GSK3B: variants seen among roughly 807,000 people sequenced by gnomAD.
GSK3B encodes glycogen synthase kinase 3 beta.
GSK3B carries 15 observed loss-of-function variants against 56.4 expected under a neutral mutation model. The ratio of observed to expected loss-of-function variants is 0.27; its 90% CI spans 0.18 to 0.41. The LOEUF is 0.41. Ranked by LOEUF, GSK3B falls within the 10% of genes least tolerant of loss-of-function variation. The pLI, the probability that GSK3B is intolerant of heterozygous loss-of-function variation, is 1.00. For missense variants in GSK3B, 300 were observed against 513.4 expected (o/e 0.58, Z 4.02); for synonymous variants, 181 against 188.9 (o/e 0.96, Z 0.34).
chr3:119,989,225 G>T (rs551350094), intron 2 of GSK3B, among the ~76,000 whole-genome samples: 1 of 152,036 alleles, frequency 6.6e-6, no homozygotes, highest in East Asian at 1.9e-4. Flanking sequence ...CGGAACCCAG[G>T]GTAATTAAAA....
At chr3:119,843,383 G>GTC in intron 9 of GSK3B, 30 bp from the exon 10 acceptor site, 1 of 1,230,882 alleles carries the variant, frequency 8.1e-7, no homozygotes, top group Non-Finnish European at 1.2e-6. Context: ...AAATGTTAGA[G>GTC]TCCACTCTTA....
At chr3:120,025,662 A>C (rs2057916446) in intron 1 of GSK3B, among the ~76,000 whole-genome samples, 1 of 152,222 alleles carries the variant, frequency 6.6e-6, no homozygotes, top group African/African-American at 2.4e-5. Flanking sequence ...GAACTGACTC[A>C]GGATGATCAA....
chr3:120,012,268 G>A (rs753222106), intron 1 of GSK3B, among the ~76,000 whole-genome samples: 1 of 152,172 alleles, frequency 6.6e-6, no homozygotes, highest in Non-Finnish European at 1.5e-5. Flanking sequence ...CCATAGCACT[G>A]CTTCCAAGAG....
chr3:120,067,391 T>A (rs945424150), intron 1 of GSK3B, among the ~76,000 whole-genome samples: 2 of 152,180 alleles, frequency 1.3e-5, no homozygotes, highest in African/African-American at 4.8e-5. Context: ...TTAATACACC[T>A]AACCTACCAA....
chr3:119,879,986 G>C (rs190124354), intron 7 of GSK3B, among the ~76,000 whole-genome samples: 13 of 152,252 alleles, frequency 8.5e-5, no homozygotes, highest in African/African-American at 3.1e-4. Context: ...TATATACCTA[G>C]CAGTGTGATT....
At chr3:119,904,520 T>C (rs1321170636) in intron 7 of GSK3B, among the ~76,000 whole-genome samples, 5 of 152,198 alleles carry the variant, frequency 3.3e-5, no homozygotes, top group Admixed American at 3.3e-4. Flanking sequence ...TTTTCAACCA[T>C]ACTTGCACAC....
intron 1 of GSK3B, among the ~76,000 whole-genome samples, chr3:120,031,455 G>C (rs1463766681): frequency 1.3e-5 from 2 of 152,186 alleles, no homozygotes; most frequent in Non-Finnish European, 2.9e-5. Flanking sequence ...AGGCGACTGA[G>C]GATAAGAAAT....
At chr3:120,023,211 A>C (rs1189943723) in intron 1 of GSK3B, among the ~76,000 whole-genome samples, 1 of 145,432 alleles carries the variant, frequency 6.9e-6, no homozygotes, top group African/African-American at 2.5e-5. Context: ...TACTCATTTA[A>C]AAAAAAAAAA....
intron 3 of GSK3B, 47 bp from the exon 4 acceptor site, chr3:119,923,530 C>G (rs200654029): frequency 4.2e-5 from 37 of 872,592 alleles, no homozygotes; most frequent in Middle Eastern, 5.9e-4. Flanking sequence ...AGATTAGAAA[C>G]TGGTCTTTAA....
chr3:119,974,487 C>A (rs537657780), intron 2 of GSK3B, among the ~76,000 whole-genome samples: 1 of 152,122 alleles, frequency 6.6e-6, no homozygotes, highest in Admixed American at 6.6e-5. Context: ...GATGCCCCCA[C>A]GGAAGGACAC....
intron 2 of GSK3B, among the ~76,000 whole-genome samples, chr3:119,982,837 AATT>A (rs1414982817): frequency 6.6e-6 from 1 of 152,208 alleles, no homozygotes; most frequent in Non-Finnish European, 1.5e-5. Context: ...CCAACATCCA[AATT>A]CAGGAAATAG....
intron 3 of GSK3B, among the ~76,000 whole-genome samples, chr3:119,929,165 CAGAAACAA>C (rs2056919128): frequency 6.6e-6 from 1 of 152,038 alleles, no homozygotes; most frequent in Non-Finnish European, 1.5e-5. Context: ...GATCAATATT[CAGAAACAA>C]TCAGTTCCCA....
chr3:119,878,000 G>A (rs984977639), intron 7 of GSK3B, among the ~76,000 whole-genome samples: 24 of 152,168 alleles, frequency 1.6e-4, no homozygotes, highest in Admixed American at 1.4e-3. Flanking sequence ...GTAATGGTAA[G>A]TACTAGATTT....
At chr3:119,986,444 G>C (rs2057516500) in intron 2 of GSK3B, among the ~76,000 whole-genome samples, 1 of 151,772 alleles carries the variant, frequency 6.6e-6, no homozygotes, top group African/African-American at 2.4e-5. Context: ...ATCTGACAAA[G>C]GGCTAATATC....
At chr3:119,919,015 C>T (rs2056809897) in intron 4 of GSK3B, among the ~76,000 whole-genome samples, 1 of 151,874 alleles carries the variant, frequency 6.6e-6, no homozygotes, top group Non-Finnish European at 1.5e-5. Flanking sequence ...GTGATCAGAC[C>T]CTGTCCTTAA....
chr3:119,922,228 G>GGAAGGAAGGAA (rs2056849305), intron 4 of GSK3B, among the ~76,000 whole-genome samples: 1 of 61,464 alleles, frequency 1.6e-5, no homozygotes, highest in Non-Finnish European at 2.7e-5. Context: ...GAAGGAAGGA[G>GGAAGGAAGGAA]GGAAGGAAGG....
chr3:120,059,624 G>C (rs2058220332), intron 1 of GSK3B, among the ~76,000 whole-genome samples: 1 of 152,176 alleles, frequency 6.6e-6, no homozygotes, highest in African/African-American at 2.4e-5. Context: ...GAAAGCAAGA[G>C]AGCTCTGAAA....
intron 7 of GSK3B, among the ~76,000 whole-genome samples, chr3:119,892,958 G>C (rs1019391631): frequency 2.0e-5 from 3 of 151,966 alleles, no homozygotes; most frequent in African/African-American, 7.3e-5. Flanking sequence ...CACTTATAGA[G>C]GACTGATATG....
At chr3:119,919,519 G>GAAAAAAAAA in intron 4 of GSK3B, among the ~76,000 whole-genome samples, 1 of 37,832 alleles carries the variant, frequency 2.6e-5, no homozygotes, top group East Asian at 7.2e-4. Flanking sequence ...GGTTACATAA[G>GAAAAAAAAA]AAAAAAAAAA....
Sources: allele counts gnomAD v4.1 joint callset (sites outside exome capture counted in the v4.1 genomes callset), GRCh38; gene constraint gnomAD v4.1.1; transcripts MANE v1.5; gene names NCBI Gene and HGNC (gene_info 2026-07-23, HGNC 2026-07-21).